The following NCOA1 variants were observed in gnomAD, a reference collection of about 807,000 sequenced individuals.
NCOA1 encodes the protein nuclear receptor coactivator 1.
A neutral mutation model predicts 150.9 loss-of-function variants in NCOA1; 35 were observed. The observed-to-expected ratio is 0.23, with a 90% CI of 0.18 to 0.31. The LOEUF (loss-of-function observed/expected upper bound fraction) is 0.31. Among genes scored for constraint, NCOA1 ranks in the 10% least tolerant of loss-of-function variants. The pLI, the probability that NCOA1 is intolerant of heterozygous loss-of-function variation, is 1.00. For synonymous variants in NCOA1, 590 were observed against 630.0 expected, an observed-to-expected ratio of 0.94 and a Z score of 0.95; for missense variants, 1,491 against 1,749.3, an observed-to-expected ratio of 0.85 and a Z score of 2.63.
At chr2:24,752,270 G>A (rs1379126992) in intron 20 of NCOA1, 114 bp downstream of exon 20, 4 of 1,203,610 alleles carry the variant, frequency 3.3e-6, no homozygotes, top group Middle Eastern at 5.8e-4. Flanking sequence ...AAAGAAGGCC[G>A]GACACAAAAG....
chr2:24,620,696 A>G (rs1669104225), intron 3 of NCOA1, among the ~76,000 whole-genome samples: 1 of 151,700 alleles, frequency 6.6e-6, no homozygotes. Flanking sequence ...TTTTTGTTGT[A>G]TGTTTTTAAA....
At chr2:24,693,127 T>G (rs1322513311) in intron 9 of NCOA1, 125 bp from the exon 10 acceptor site, 14 of 840,808 alleles carry the variant, frequency 1.7e-5, no homozygotes, top group Non-Finnish European at 2.8e-5. Flanking sequence ...GTGCTGGGAT[T>G]ACAGGCGTGA....
At chr2:24,666,540 G>C (rs1173405645) in intron 6 of NCOA1, among the ~76,000 whole-genome samples, 1 of 152,102 alleles carries the variant, frequency 6.6e-6, no homozygotes, top group East Asian at 1.9e-4. Flanking sequence ...TGAGGCCCTA[G>C]CATAGAGTTC....
intron 7 of NCOA1, 139 bp from the exon 8 acceptor site, chr2:24,682,812 C>T: frequency 2.0e-6 from 1 of 491,676 alleles, no homozygotes; most frequent in Non-Finnish European, 3.1e-6. Context: ...TCTCTCTCTC[C>T]TGCGTATCAC....
At chr2:24,537,472 TA>T (rs1665205049) in intron 1 of NCOA1, among the ~76,000 whole-genome samples, 1 of 151,230 alleles carries the variant, frequency 6.6e-6, no homozygotes, top group South Asian at 2.1e-4. Flanking sequence ...TATATATATA[TA>T]ATATATGTAT....
chr2:24,768,877 C>T lies in NCOA1; in HGVS notation c.*486C>T. On this transcript the variant is annotated 3_prime_UTR_variant, in exon 23 of 23. Transcript: ENST00000348332. Reference sequence around the variant, plus strand: ...AATCAGCAGCCCTCCCCATCCCAATCCCAGGCAGCTTGTGTGTACAATCAG... The same window carrying T: ...AATCAGCAGCCCTCCCCATCCCAATTCCAGGCAGCTTGTGTGTACAATCAG... 1 of 223,376 alleles carries T rather than the reference C, an allele frequency of 4.5e-6. No individual in the cohort carries two copies. Among genetic ancestry groups the T allele is most frequent in the Admixed American group, 5.7e-5 (1 of 17,460 alleles). 13.8% of individuals were successfully genotyped at this position (223,376 alleles called of 1,614,324 possible). A position where few individuals can be genotyped will look rare whatever the true frequency, so the allele number is the denominator to read the frequency against.
At chr2:24,740,491 C>T (rs943376001) in intron 18 of NCOA1, among the ~76,000 whole-genome samples, 3 of 152,072 alleles carry the variant, frequency 2.0e-5, no homozygotes, top group South Asian at 2.1e-4. Flanking sequence ...CATACCTAAA[C>T]GTGGAAGAGG....
At chr2:24,602,453 A>C (rs1366874493) in intron 3 of NCOA1, among the ~76,000 whole-genome samples, 2 of 152,084 alleles carry the variant, frequency 1.3e-5, no homozygotes, top group Admixed American at 6.5e-5. Context: ...TGCCTACCTC[A>C]GCCTGCCTAA....
chr2:24,522,117 C>T (rs1191338340), intron 1 of NCOA1, among the ~76,000 whole-genome samples: 1 of 152,164 alleles, frequency 6.6e-6, no homozygotes, highest in East Asian at 1.9e-4. Context: ...TTATAGTAGC[C>T]TCTCATTACA....
chr2:24,685,873 G>T (rs1672374740), intron 8 of NCOA1, among the ~76,000 whole-genome samples: 1 of 152,104 alleles, frequency 6.6e-6, no homozygotes, highest in South Asian at 2.1e-4. Flanking sequence ...TTTTATCTTA[G>T]AAATCAATGT....
chr2:24,565,087 C>A (rs1356866967), intron 2 of NCOA1, among the ~76,000 whole-genome samples: 1 of 152,192 alleles, frequency 6.6e-6, no homozygotes, highest in Non-Finnish European at 1.5e-5. Context: ...TAATGAATTA[C>A]TTGGGCCAGA....
rs1671419279 is a variant in NCOA1 at position 24,666,201 on chromosome 2, A to C, written c.256+286A>C. On this transcript the variant is annotated intron_variant, in intron 6 of 22. Coordinates refer to ENST00000348332, the MANE Select transcript of NCOA1 (RefSeq NM_003743.5). ...TGATCTTTTTGTATTTTTTTAGTAG[A>C]GACGGGGTTTCACCATGTTAGCCAG... is the stretch of plus-strand genomic sequence containing the variant. Among the ~76,000 whole-genome samples the C allele has an allele frequency of 2.0e-5, 3 of 151,698 alleles. No homozygotes were observed. In the South Asian group the frequency reaches 6.2e-4, roughly 32 times the overall value.
intron 4 of NCOA1, among the ~76,000 whole-genome samples, chr2:24,647,785 G>A (rs1355756913): frequency 6.6e-6 from 1 of 152,052 alleles, no homozygotes; most frequent in African/African-American, 2.4e-5. Flanking sequence ...TAATGTGAAA[G>A]TGGCAACTGG....
At chr2:24,599,266 C>T (rs1668007969) in intron 3 of NCOA1, among the ~76,000 whole-genome samples, 1 of 152,084 alleles carries the variant, frequency 6.6e-6, no homozygotes, top group Non-Finnish European at 1.5e-5. Context: ...TCATTGTATT[C>T]CAATATACTG....
Position 24,691,648 on chromosome 2 carries a change from G to A in NCOA1, c.700G>A (p.Glu234Lys). 6.2e-7 allele frequency: 1 copy of A among 1,613,700 alleles called. No homozygotes were observed. Among genetic ancestry groups the A allele is most frequent in the Non-Finnish European group, 8.5e-7 (1 of 1,179,804 alleles). The change falls in exon 9 of 23, where the codon GAG becomes AAG. Residue 234 changes from glutamate (E) to lysine (K), a missense_variant. Glu to Lys is a moderately conservative substitution (Grantham distance 56). This residue lies in a region of NCOA1 where 99 missense variants were observed against 122.8 expected (regional missense o/e 0.81). Transcript: ENST00000348332. ...TGTGTCACAGCCAAAATCAATTCAA[G>A]AGGATGGAGAAGGTAAAGCCAAACG... ...FTVSQPKSIQ[E>K]DGEDFQSCLI...
intron 17 of NCOA1, among the ~76,000 whole-genome samples, chr2:24,737,117 C>T (rs767345591): frequency 1.5e-4 from 23 of 152,178 alleles, no homozygotes; most frequent in Non-Finnish European, 3.2e-4. Context: ...TAATCTCCTC[C>T]CACTCCCCAC....
chr2:24,711,126 C>A lies in NCOA1; in HGVS notation c.2599+15C>A. 1.3e-6 allele frequency: 2 copies of A among 1,598,024 alleles called. 1 individual carries two copies. The highest frequency in any genetic ancestry group is 2.2e-5 in the South Asian group (2 of 89,116). On this transcript the variant is annotated intron_variant, in intron 14 of 22. Transcript: ENST00000348332. ...CAGGCTAAATAGTATGTTCTGGGGA[C>A]AACACCTCATTTTAAACGTTTAGTG...
chr2:24,610,280 C>T (rs558663225), intron 3 of NCOA1, among the ~76,000 whole-genome samples: 3 of 151,940 alleles, frequency 2.0e-5, no homozygotes, highest in African/African-American at 4.8e-5. Flanking sequence ...CTTGCCACCA[C>T]GCCCAGCTAA....
chr2:24,508,353 C>T (rs912503345), intron 1 of NCOA1, among the ~76,000 whole-genome samples: 1 of 151,958 alleles, frequency 6.6e-6, no homozygotes, highest in Non-Finnish European at 1.5e-5. Context: ...TAGGTTATAG[C>T]ATAGGCAGAG....
Sources: gnomAD v4.1 joint callset for allele counts (sites outside exome capture counted in the v4.1 genomes callset) on GRCh38, gnomAD v4.1.1 for gene constraint, gnomAD v4.1.1 regional missense constraint, MANE v1.5 for transcripts, NCBI Gene and HGNC (gene_info 2026-07-23, HGNC 2026-07-21) for gene names.